The following CHST8 variants were observed in gnomAD, a reference collection of about 807,000 sequenced individuals.
The protein encoded by CHST8 is GALNAC-4-ST1.
CHST8 carries 10 observed loss-of-function variants against 15.0 expected under a neutral mutation model. The observed-to-expected ratio is 0.67, with a 90% CI of 0.41 to 1.13. The LOEUF (loss-of-function observed/expected upper bound fraction) is 1.13. CHST8 is among the 50% of genes most tolerant of loss of function. The pLI, the probability that CHST8 is intolerant of heterozygous loss-of-function variation, is 0.00. For synonymous variants in CHST8, 259 were observed against 256.6 expected (o/e 1.01, Z -0.09); for missense variants, 634 against 608.2 (o/e 1.04, Z -0.45).
At chr19:33,695,821 C>CTTTCTTTCTTTCTTTCTTTCTTT (rs57718433) in intron 3 of CHST8, among the ~76,000 whole-genome samples, 22 of 76,232 alleles carry the variant, frequency 2.9e-4, no homozygotes, top group African/African-American at 1.1e-3. Flanking sequence ...TTCTTTCTTT[C>CTTTCTTTCTTTCTTTCTTTCTTT]TTTTTTTTTT....
At chr19:33,712,210 T>G (rs1007256205) in intron 3 of CHST8, among the ~76,000 whole-genome samples, 2 of 152,216 alleles carry the variant, frequency 1.3e-5, no homozygotes, top group Admixed American at 1.3e-4. Flanking sequence ...GGGTGGCTGT[T>G]TAATCACTTC....
chr19:33,669,261 G>A (rs1416422581), intron 2 of CHST8, among the ~76,000 whole-genome samples: 1 of 152,204 alleles, frequency 6.6e-6, no homozygotes, highest in African/African-American at 2.4e-5. Flanking sequence ...AGTTCACATT[G>A]CCATCTACAA....
At position 33,704,707 on chromosome 19, in the gene CHST8, C is replaced by T. The variant is rs1217442290; in HGVS notation, c.130+15316C>T. ...GGCGGATCACTTGAGGTCAGGAGTTCGAGACTAGCCTGGCCAACGTGGTGA... is the reference window on the plus strand; with the variant it reads ...GGCGGATCACTTGAGGTCAGGAGTTTGAGACTAGCCTGGCCAACGTGGTGA... On this transcript the variant is annotated intron_variant, in intron 3 of 4. Transcript: ENST00000650847. Among the ~76,000 whole-genome samples, 3 of 152,088 alleles carry T rather than the reference C, an allele frequency of 2.0e-5. No homozygotes were observed. The East Asian group carries it at 5.8e-4, about 29-fold the overall frequency.
At chr19:33,648,994 C>G (rs945486641) in intron 1 of CHST8, among the ~76,000 whole-genome samples, 22 of 149,742 alleles carry the variant, frequency 1.5e-4, no homozygotes, top group Admixed American at 3.3e-4. Context: ...AGCTCCACCC[C>G]CCAGGTTCAC....
At chr19:33,721,447 TC>T (rs1973787046) in intron 3 of CHST8, among the ~76,000 whole-genome samples, 1 of 152,126 alleles carries the variant, frequency 6.6e-6, no homozygotes, top group Non-Finnish European at 1.5e-5. Context: ...TTAACACATG[TC>T]TGTTGTGTGG....
rs575098162 is a variant in CHST8, at chr19:33,623,399, C to T, written c.-164+1103C>T. On this transcript the variant is annotated intron_variant, in intron 1 of 4. Coordinates refer to ENST00000650847, the MANE Select transcript of CHST8 (RefSeq NM_001127895.2). ...GGGAACGCGCGTCCCGGCCCCTCTC[C>T]ATCTGCTTGGCGCGATCTGGCGCAG... is the stretch of plus-strand genomic sequence containing the variant. Among the ~76,000 whole-genome samples the T allele has an allele frequency of 1.4e-3, 216 of 152,326 alleles. 1 individual carries two copies. Among genetic ancestry groups the T allele is most frequent in the Non-Finnish European group, 2.3e-3 (157 of 68,028 alleles).
chr19:33,769,592 G>C (rs1974926585), intron 3 of CHST8, among the ~76,000 whole-genome samples: 1 of 152,178 alleles, frequency 6.6e-6, no homozygotes, highest in Admixed American at 6.5e-5. Context: ...GTAATGATGG[G>C]ATGGGGAAGA....
At chr19:33,685,799 A>G (rs185161548) in intron 2 of CHST8, among the ~76,000 whole-genome samples, 35 of 152,252 alleles carry the variant, frequency 2.3e-4, no homozygotes, top group Non-Finnish European at 4.3e-4. Context: ...TGCCTTGAAA[A>G]CAACGTGCGA....
intron 1 of CHST8, among the ~76,000 whole-genome samples, chr19:33,626,783 C>CTTTTTTTTTT (rs373066494): frequency 7.5e-6 from 1 of 133,480 alleles, no homozygotes; most frequent in Non-Finnish European, 1.6e-5. Context: ...TTTTTTTTTC[C>CTTTTTTTTTT]TTTTTTTTTT....
At chr19:33,638,380 G>A (rs535017467) in intron 1 of CHST8, among the ~76,000 whole-genome samples, 11 of 152,142 alleles carry the variant, frequency 7.2e-5, no homozygotes, top group Non-Finnish European at 1.3e-4. Context: ...ACAAAGCCTC[G>A]TGGGTTTTCG....
chr19:33,703,385 C>T (rs966963446), intron 3 of CHST8, among the ~76,000 whole-genome samples: 6 of 152,372 alleles, frequency 3.9e-5, no homozygotes, highest in African/African-American at 1.2e-4. Flanking sequence ...AGTCCACCCA[C>T]GCTCCAAGGA....
intron 2 of CHST8, among the ~76,000 whole-genome samples, chr19:33,675,850 A>G (rs1324881177): frequency 6.6e-6 from 1 of 152,218 alleles, no homozygotes; most frequent in East Asian, 1.9e-4. Context: ...ATTTTGCACA[A>G]AAGTCCTTGA....
intron 1 of CHST8, among the ~76,000 whole-genome samples, chr19:33,666,907 GC>G (rs1452291590): frequency 1.1e-4 from 16 of 152,062 alleles, no homozygotes; most frequent in African/African-American, 3.9e-4. Flanking sequence ...TCATTATGTT[GC>G]CCAGGCTGGT....
chr19:33,714,230 G>A (rs529614518), intron 3 of CHST8, among the ~76,000 whole-genome samples: 90 of 152,208 alleles, frequency 5.9e-4, no homozygotes, highest in African/African-American at 2.0e-3. Context: ...ATTCACAGTA[G>A]CTAAGTCTTG....
chr19:33,738,053 C>T (rs911305296), intron 3 of CHST8, among the ~76,000 whole-genome samples: 7 of 152,130 alleles, frequency 4.6e-5, no homozygotes, highest in Admixed American at 2.0e-4. Context: ...AATCCAATTA[C>T]CCTTTTCCCA....
intron 3 of CHST8, among the ~76,000 whole-genome samples, chr19:33,710,245 T>C (rs1191387661): frequency 1.3e-5 from 2 of 152,252 alleles, no homozygotes; most frequent in African/African-American, 4.8e-5. Flanking sequence ...AAAGTCTAGC[T>C]AAAGGTTTGT....
chr19:33,765,851 C>T (rs1030833370), intron 3 of CHST8, among the ~76,000 whole-genome samples: 16 of 152,232 alleles, frequency 1.1e-4, no homozygotes, highest in Non-Finnish European at 2.1e-4. Flanking sequence ...TGAGCCACCA[C>T]GCCCGGCCAG....
chr19:33,726,298 T>C (rs1365954572), intron 3 of CHST8, among the ~76,000 whole-genome samples: 1 of 152,130 alleles, frequency 6.6e-6, no homozygotes, highest in African/African-American at 2.4e-5. Flanking sequence ...CATTGGCTCA[T>C]GCCTGTAATC....
chr19:33,763,751 G>T (rs1474881823), intron 3 of CHST8, among the ~76,000 whole-genome samples: 1 of 152,208 alleles, frequency 6.6e-6, no homozygotes, highest in Non-Finnish European at 1.5e-5. Flanking sequence ...ATTTGCATAT[G>T]AACAGCCTGC....
Sources: allele counts gnomAD v4.1 joint callset (sites outside exome capture counted in the v4.1 genomes callset), GRCh38; gene constraint gnomAD v4.1.1; transcripts MANE v1.5; gene names NCBI Gene and HGNC (gene_info 2026-07-23, HGNC 2026-07-21).